The following RAB9B variants were observed in gnomAD, a reference collection of about 807,000 sequenced individuals.
The protein encoded by RAB9B is RAB9B, member RAS oncogene family, also known as ras-related protein Rab-9B.
A neutral mutation model predicts 8.9 loss-of-function variants in RAB9B; 1 was observed. The ratio of observed to expected loss-of-function variants is 0.11; its 90% CI spans 0.04 to 0.53. The LOEUF (loss-of-function observed/expected upper bound fraction) is 0.53, where lower values mean the gene tolerates loss of function less well. RAB9B is among the 20% of genes least tolerant of loss of function. RAB9B has a pLI of 0.93. For missense variants in RAB9B, 82 were observed against 152.9 expected, an observed-to-expected ratio of 0.54 and a Z score of 2.45; for synonymous variants, 63 against 57.0, an observed-to-expected ratio of 1.10 and a Z score of -0.47.
chrX:103,810,175 T>C, the RAB9B span, among the ~76,000 whole-genome samples: 3 of 111,714 alleles, frequency 2.7e-5, no homozygotes, highest in Non-Finnish European at 3.8e-5. Context: ...TGTTTAAGTC[T>C]GGACACCAAG....
the RAB9B span, among the ~76,000 whole-genome samples, chrX:103,816,120 C>G: frequency 1.8e-5 from 2 of 111,412 alleles, no homozygotes; most frequent in Non-Finnish European, 3.8e-5. Context: ...CTCGCATAGC[C>G]AAGACAATCC....
At chrX:103,804,914 C>T in the RAB9B span, among the ~76,000 whole-genome samples, 1 of 111,476 alleles carries the variant, frequency 9.0e-6, no homozygotes, top group African/African-American at 3.3e-5. Context: ...GGCTTCTTTA[C>T]AATTTTTTAA....
the RAB9B span, among the ~76,000 whole-genome samples, chrX:103,795,884 A>T: frequency 2.7e-5 from 3 of 112,230 alleles, no homozygotes; most frequent in South Asian, 1.1e-3. Flanking sequence ...TCCTAAAAAA[A>T]AAATTTGTCA....
intron 2 of RAB9B, among the ~76,000 whole-genome samples, chrX:103,826,250 T>C (rs1009318334): frequency 8.9e-6 from 1 of 112,251 alleles, no homozygotes; most frequent in African/African-American, 3.2e-5. Flanking sequence ...CAAAAATTAC[T>C]GAGAAGAGAA....
At chrX:103,785,235 C>G in the RAB9B span, among the ~76,000 whole-genome samples, 2 of 110,953 alleles carry the variant, frequency 1.8e-5, no homozygotes, top group Non-Finnish European at 3.8e-5. Flanking sequence ...TACGCCCATG[C>G]CCGGCTAATT....
chrX:103,791,125 G>A, the RAB9B span: 8 of 120,054 alleles, frequency 6.7e-5, no homozygotes, highest in African/African-American at 1.3e-4. Flanking sequence ...CAATAAGAGC[G>A]TTTGCCCAAA....
At chrX:103,787,778 C>A in the RAB9B span, 2 of 1,197,161 alleles carry the variant, frequency 1.7e-6, 1 homozygote, top group South Asian at 3.5e-5. Flanking sequence ...TTTCTAACCA[C>A]CCCATGTCAA....
chrX:103,779,562 T>C, the RAB9B span, among the ~76,000 whole-genome samples: 1 of 112,095 alleles, frequency 8.9e-6, no homozygotes, highest in Admixed American at 9.4e-5. Context: ...CTTCTCTACC[T>C]CACTTCTCCC....
chrX:103,829,504 G>A (rs1367393204), intron 1 of RAB9B, among the ~76,000 whole-genome samples: 1 of 111,936 alleles, frequency 8.9e-6, no homozygotes, highest in Non-Finnish European at 1.9e-5. Context: ...TTCTAGTCCT[G>A]TGCTACCATC....
chrX:103,814,808 C>T, the RAB9B span, among the ~76,000 whole-genome samples: 2 of 111,959 alleles, frequency 1.8e-5, no homozygotes, highest in Admixed American at 9.5e-5. Flanking sequence ...TACTATAACA[C>T]CTCTATGCAA....
the RAB9B span, among the ~76,000 whole-genome samples, chrX:103,796,847 CAAAAAAAAA>C: frequency 2.2e-3 from 27 of 12,106 alleles, no homozygotes; most frequent in African/African-American, 6.5e-3. Flanking sequence ...ACCGCCTCTA[CAAAAAAAAA>C]AAAAAAAAAA....
At chrX:103,788,384 T>C in the RAB9B span, 4 of 886,527 alleles carry the variant, frequency 4.5e-6, no homozygotes, top group East Asian at 6.2e-5. Context: ...AGTCTCCATG[T>C]GGCCCCGTAA....
At chrX:103,825,993 G>A (rs1165531235) in intron 2 of RAB9B, among the ~76,000 whole-genome samples, 167 bp from the exon 3 acceptor site, 1 of 111,951 alleles carries the variant, frequency 8.9e-6, no homozygotes, top group Non-Finnish European at 1.9e-5. Context: ...TTGCATAAGG[G>A]GAAAAATAGG....
At chrX:103,795,102 C>A in the RAB9B span, among the ~76,000 whole-genome samples, 1 of 111,317 alleles carries the variant, frequency 9.0e-6, no homozygotes, top group Non-Finnish European at 1.9e-5. Flanking sequence ...GAGATACAGT[C>A]TCAGCCCTCA....
the RAB9B span, chrX:103,788,477 C>T: frequency 8.3e-7 from 1 of 1,208,853 alleles, no homozygotes; most frequent in Non-Finnish European, 1.1e-6. Context: ...AGGTTTGTGG[C>T]TCCAACCTTC....
chrX:103,812,310 C>T, the RAB9B span, among the ~76,000 whole-genome samples: 20 of 111,210 alleles, frequency 1.8e-4, no homozygotes, highest in Non-Finnish European at 3.6e-4. Context: ...TATATTCAGC[C>T]AATAGCAACC....
chrX:103,825,643 C>T lies in RAB9B; in HGVS notation c.142G>A (p.Asp48Asn), dbSNP rs1483264654. The change falls in exon 3 of 3, where the codon GAT becomes AAT. Residue 48 changes from aspartate (D) to asparagine (N), a missense_variant. Coordinates refer to ENST00000243298, the MANE Select transcript of RAB9B (RefSeq NM_016370.4). The part of the protein sequence containing the change: ...HTIGVEFLNR[D>N]LEVDGRFVTL... ...ACAAAGCGTCCATCTACCTCCAGAT[C>T]TCGATTTAAGAACTCTACCCCTATG... is the stretch of plus-strand genomic sequence containing the variant. 4.1e-6 allele frequency: 5 copies of T among 1,210,895 alleles called. No individual in the cohort carries two copies. Among genetic ancestry groups the T allele is most frequent in the Non-Finnish European group, 5.6e-6 (5 of 894,955 alleles).
the RAB9B span, among the ~76,000 whole-genome samples, chrX:103,800,821 T>G: frequency 8.9e-6 from 1 of 111,740 alleles, no homozygotes; most frequent in African/African-American, 3.2e-5. Context: ...TTCACTATCT[T>G]TTTTCCCCAC....
chrX:103,800,481 T>C, the RAB9B span, among the ~76,000 whole-genome samples: 3 of 111,750 alleles, frequency 2.7e-5, no homozygotes, highest in African/African-American at 6.5e-5. Context: ...GTGGTCAGAA[T>C]TGAAAGAAGA....
Sources: gnomAD v4.1 joint callset for allele counts (sites outside exome capture counted in the v4.1 genomes callset) on GRCh38, gnomAD v4.1.1 for gene constraint, MANE v1.5 for transcripts, NCBI Gene and HGNC (gene_info 2026-07-23, HGNC 2026-07-21) for gene names.